RBM34: variants seen among roughly 807,000 people sequenced by gnomAD.
The protein encoded by RBM34 is RNA-binding protein 34.
In RBM34, 39 loss-of-function variants were observed where a neutral mutation model predicts 44.6. That is an observed-to-expected ratio of 0.87 (90% confidence interval 0.68 to 1.14). The LOEUF is 1.14. RBM34 is among the 50% of genes most tolerant of loss of function. RBM34 has a pLI of 0.00. For synonymous variants in RBM34, 194 were observed against 184.0 expected (o/e 1.05, Z -0.44); for missense variants, 572 against 517.9 (o/e 1.10, Z -1.01).
chr1:235,152,783 A>T lies in RBM34; in HGVS notation c.598-18T>A, dbSNP rs1167366494. The stretch of plus-strand genomic sequence containing the variant: ...TTCAGCTTCTAAAATTAAAAAAAAA[A>T]ATACACATTAGCTGACCTTCAGAAC... On this transcript the variant is annotated intron_variant, in intron 4 of 10. Coordinates refer to ENST00000408888, the MANE Select transcript of RBM34 (RefSeq NM_015014.4). 1.9e-6 allele frequency: 3 copies of T among 1,539,736 alleles called. No individual in the cohort carries two copies. The highest frequency in any genetic ancestry group is 2.0e-5 in the Admixed American group (1 of 49,940).
rs1306875489 is a variant in RBM34, at chr1:235,155,055, C to T, written c.423G>A (p.Gln141=). The change falls in exon 4 of 11, where the codon CAG becomes CAA. Residue 141 remains glutamine, a synonymous_variant. Transcript: ENST00000408888. ...CACCAGGTTGAGAATTTTTCCTTTT[C>T]TGCCCTTGTTTCTGGTGAATTTCTT... The part of the protein sequence containing the change: ...LEEEIHQKQG[Q]KRKNSQPGVK... 1 of 1,613,828 alleles carries T rather than the reference C, an allele frequency of 6.2e-7. No homozygotes were observed. The highest frequency in any genetic ancestry group is 8.5e-7 in the Non-Finnish European group (1 of 1,179,992).
At chr1:235,151,322 G>T (rs1271795256) in intron 5 of RBM34, among the ~76,000 whole-genome samples, 1 of 152,162 alleles carries the variant, frequency 6.6e-6, no homozygotes, top group Admixed American at 6.6e-5. Context: ...ATGGAAGTAA[G>T]CAGATATATT....
rs1291895265 is a variant in RBM34, at chr1:235,161,238, A to G, written c.-12T>C. 41 of 1,613,152 alleles carry G rather than the reference A, an allele frequency of 2.5e-5. No homozygotes were observed. Among genetic ancestry groups the G allele is most frequent in the Non-Finnish European group, 3.1e-5 (36 of 1,179,776 alleles). On this transcript the variant is annotated 5_prime_UTR_variant, in exon 1 of 11. Coordinates refer to ENST00000408888, the MANE Select transcript of RBM34 (RefSeq NM_015014.4). ...CCTTCCAAGGCCATTCTTACTCCAAAGACTCCCAGACTGCAGCTGCGCGCC... is the reference window on the plus strand; with the variant it reads ...CCTTCCAAGGCCATTCTTACTCCAAGGACTCCCAGACTGCAGCTGCGCGCC...
At chr1:235,154,281 A>G (rs1310724986) in intron 4 of RBM34, among the ~76,000 whole-genome samples, 1 of 151,704 alleles carries the variant, frequency 6.6e-6, no homozygotes, top group Non-Finnish European at 1.5e-5. Context: ...CAGAATGATG[A>G]AAAAAGAGGA....
At chr1:235,145,004 T>C (rs189570889) in intron 6 of RBM34, among the ~76,000 whole-genome samples, 6 of 152,060 alleles carry the variant, frequency 3.9e-5, no homozygotes, top group Non-Finnish European at 8.8e-5. Flanking sequence ...GATCACGCCA[T>C]TGCACTCCAG....
rs1305524238 is a variant in RBM34 at position 235,148,449 on chromosome 1, T to C, written c.658-2A>G. The C allele has an allele frequency of 6.3e-7, 1 of 1,583,822 alleles. No individual in the cohort carries two copies. The highest frequency in any genetic ancestry group is 8.6e-7 in the Non-Finnish European group (1 of 1,168,008). ...GGATAGCGTTCCCTCTGCTGGAATC[T>C]TTCAAGAGAAAAAAAAAAGTATTAA... On this transcript the variant is annotated splice_acceptor_variant, in intron 5 of 10. Transcript: ENST00000408888. LOFTEE classifies it high-confidence loss of function.
At chr1:235,151,089 C>T (rs757408634) in intron 5 of RBM34, among the ~76,000 whole-genome samples, 2 of 152,020 alleles carry the variant, frequency 1.3e-5, no homozygotes, top group African/African-American at 2.4e-5. Context: ...TAGGCCTCTG[C>T]GACTATTCTG....
intron 6 of RBM34, among the ~76,000 whole-genome samples, chr1:235,143,552 A>G (rs553549606): frequency 1.3e-5 from 2 of 152,202 alleles, no homozygotes; most frequent in African/African-American, 2.4e-5. Context: ...CCTGGCCAAC[A>G]TGGCAAAGCC....
At chr1:235,160,751 G>A in intron 2 of RBM34, 104 bp from the exon 3 acceptor site, 3 of 1,494,596 alleles carry the variant, frequency 2.0e-6, no homozygotes, top group Non-Finnish European at 1.8e-6. Context: ...TCTCTCACTG[G>A]TATGTAAGAG....
intron 10 of RBM34, among the ~76,000 whole-genome samples, 166 bp from the exon 11 acceptor site, chr1:235,132,163 T>G (rs960910523): frequency 6.6e-6 from 1 of 152,038 alleles, no homozygotes; most frequent in African/African-American, 2.4e-5. Context: ...CTCATCACCA[T>G]GCTCGTCACC....
At chr1:235,153,489 G>C (rs1377178573) in intron 4 of RBM34, among the ~76,000 whole-genome samples, 1 of 150,632 alleles carries the variant, frequency 6.6e-6, no homozygotes, top group Admixed American at 6.6e-5. Flanking sequence ...GCGGTGGCAC[G>C]ATCTTGGCTT....
chr1:235,145,966 GTTTTTTTT>G (rs34111332), intron 6 of RBM34, among the ~76,000 whole-genome samples: 1,919 of 77,404 alleles, frequency 0.025, 50 homozygotes, highest in African/African-American at 0.1. Context: ...ATTACAGCAG[GTTTTTTTT>G]TTTTTTTTTT....
intron 6 of RBM34, among the ~76,000 whole-genome samples, chr1:235,142,208 C>T (rs1661712612): frequency 6.6e-6 from 1 of 152,204 alleles, no homozygotes; most frequent in African/African-American, 2.4e-5. Flanking sequence ...GACACGGAAA[C>T]ACTAAGACAA....
intron 6 of RBM34, among the ~76,000 whole-genome samples, chr1:235,142,560 G>A (rs1661731837): frequency 2.0e-5 from 3 of 151,964 alleles, no homozygotes; most frequent in Admixed American, 6.6e-5. Context: ...TTATAGGCGT[G>A]AGCCACTGTG....
At chr1:235,155,854 T>TATATAC (rs1662409555) in intron 3 of RBM34, among the ~76,000 whole-genome samples, 1 of 44,118 alleles carries the variant, frequency 2.3e-5, no homozygotes, top group Non-Finnish European at 3.7e-5. Flanking sequence ...TATATATATA[T>TATATAC]ATATATATAT....
chr1:235,150,105 C>G (rs1662096361), intron 5 of RBM34, among the ~76,000 whole-genome samples: 1 of 152,192 alleles, frequency 6.6e-6, no homozygotes, highest in African/African-American at 2.4e-5. Flanking sequence ...GACAGAATCT[C>G]GCTTTGTCGC....
chr1:235,145,972 T>G (rs1483807568), intron 6 of RBM34, among the ~76,000 whole-genome samples: 1 of 141,130 alleles, frequency 7.1e-6, no homozygotes, highest in Admixed American at 6.9e-5. Flanking sequence ...GCAGGTTTTT[T>G]TTTTTTTTTT....
intron 5 of RBM34, among the ~76,000 whole-genome samples, chr1:235,149,060 A>C (rs570085640): frequency 6.4e-4 from 98 of 152,218 alleles, no homozygotes; most frequent in Admixed American, 1.0e-3. Context: ...GGAGGACTCC[A>C]GGAAGAGACA....
Position 235,161,239 on chromosome 1 carries a change from G to C in RBM34, c.-13C>G, listed in dbSNP as rs751058041. ...CTTCCAAGGCCATTCTTACTCCAAA[G>C]ACTCCCAGACTGCAGCTGCGCGCCA... On this transcript the variant is annotated 5_prime_UTR_variant, in exon 1 of 11. Transcript: ENST00000408888. The C allele has an allele frequency of 2.5e-6, 4 of 1,613,368 alleles. No homozygotes were observed. The Admixed American group carries it at 5.0e-5, about 20-fold the overall frequency.
Sources: allele counts gnomAD v4.1 joint callset (sites outside exome capture counted in the v4.1 genomes callset), GRCh38; gene constraint gnomAD v4.1.1; transcripts MANE v1.5; gene names NCBI Gene and HGNC (gene_info 2026-07-23, HGNC 2026-07-21).